SORT1: variants seen among roughly 807,000 people sequenced by gnomAD.
The protein encoded by SORT1 is sortilin 1.
SORT1 carries 39 observed loss-of-function variants against 101.7 expected under a neutral mutation model. That is an observed-to-expected ratio of 0.38 (90% CI 0.30 to 0.50). The LOEUF (loss-of-function observed/expected upper bound fraction) is 0.50, where lower values mean the gene tolerates loss of function less well. SORT1 is among the 20% of genes least tolerant of loss of function. The probability of loss-of-function intolerance (pLI) is 0.90; values close to 1 mark genes in which losing one functional copy is unlikely to be tolerated. For synonymous variants in SORT1, 396 were observed against 393.7 expected, an observed-to-expected ratio of 1.01 and a Z score of -0.07; for missense variants, 878 against 1,040.4, an observed-to-expected ratio of 0.84 and a Z score of 2.15.
chr1:109,366,694 CCCAGGCGCTCGATA>C (rs1395938927), intron 3 of SORT1: 1 of 152,100 alleles, frequency 6.6e-6, no homozygotes, highest in African/African-American at 2.4e-5. Flanking sequence ...ACAGCTTGAG[CCCAGGCGCTCGATA>C]CCAGACTGGG....
Position 109,314,756 on chromosome 1 carries a change from G to T in SORT1, c.2273C>A (p.Pro758Gln). The T allele has an allele frequency of 6.2e-7, 1 of 1,608,356 alleles. No individual in the cohort carries two copies. Among genetic ancestry groups the T allele is most frequent in the South Asian group, 1.1e-5 (1 of 90,920 alleles). The change falls in exon 18 of 20, where the codon CCA (proline) becomes CAA (glutamine). Residue 758 changes from proline to glutamine, a missense_variant. Transcript: ENST00000256637. ...CAATCCCACGATGGCCAGGATAATT[G>T]GAACAGAATTTGACTTGGAATTCTT... ...EKQNSKSNSVPIILAIVGLML... is the reference protein window; with the variant it reads ...EKQNSKSNSVQIILAIVGLML...
intron 5 of SORT1, among the ~76,000 whole-genome samples, chr1:109,353,701 A>T (rs1217211531): frequency 1.3e-5 from 2 of 152,186 alleles, no homozygotes; most frequent in East Asian, 3.9e-4. Context: ...CTGATGAGAG[A>T]AGGCCATAAA....
intron 1 of SORT1, among the ~76,000 whole-genome samples, chr1:109,375,187 T>C (rs1651745099): frequency 6.6e-6 from 1 of 152,206 alleles, no homozygotes; most frequent in Non-Finnish European, 1.5e-5. Flanking sequence ...CTGTTCATTC[T>C]TTTTGAAGTA....
intron 1 of SORT1, chr1:109,393,057 G>T: frequency 2.0e-6 from 2 of 985,420 alleles, no homozygotes. Context: ...CAAAGGTCTG[G>T]CGATTCACAA....
At chr1:109,338,996 G>A (rs1227612133) in intron 10 of SORT1, among the ~76,000 whole-genome samples, 1 of 151,998 alleles carries the variant, frequency 6.6e-6, no homozygotes, top group Non-Finnish European at 1.5e-5. Context: ...TCCTGCCTCA[G>A]TCTCCTGAGT....
rs1658779222 is a variant in SORT1 at position 109,312,411 on chromosome 1, C to T, written c.*1632G>A. The T allele has an allele frequency of 2.0e-5, 3 of 152,490 alleles. No individual in the cohort carries two copies. Among genetic ancestry groups the T allele is most frequent in the Admixed American group, 2.0e-4 (3 of 15,262 alleles). 9.4% of individuals were successfully genotyped at this position (152,490 alleles called of 1,614,324 possible). ...TTTAACATCTCTAAAAGTCTCCATC[C>T]ACTCTCTCCCCCACTTTCCACGCAG... On this transcript the variant is annotated 3_prime_UTR_variant, in exon 20 of 20. Transcript: ENST00000256637.
chr1:109,385,754 A>C (rs2101652924), intron 1 of SORT1, among the ~76,000 whole-genome samples: 1 of 152,366 alleles, frequency 6.6e-6, no homozygotes, highest in Middle Eastern at 3.4e-3. Flanking sequence ...TCTTCCTGGC[A>C]AAATTCTATT....
intron 12 of SORT1, 42 bp downstream of exon 12, chr1:109,327,457 G>T: frequency 8.0e-7 from 1 of 1,251,250 alleles, no homozygotes; most frequent in Non-Finnish European, 1.1e-6. Context: ...AGTGTGCTCA[G>T]CCACTGTTCC....
intron 1 of SORT1, chr1:109,393,146 C>T (rs1435792318): frequency 7.1e-6 from 7 of 985,358 alleles, no homozygotes; most frequent in Admixed American, 1.2e-4. Context: ...GGACTCAACC[C>T]TGCCAGAGCC....
intron 15 of SORT1, among the ~76,000 whole-genome samples, chr1:109,318,261 T>C (rs1647377100): frequency 6.6e-6 from 1 of 151,512 alleles, no homozygotes; most frequent in African/African-American, 2.4e-5. Flanking sequence ...CAAGCGACTC[T>C]CCTGCCTCAG....
chr1:109,355,304 A>G (rs1158742319), intron 4 of SORT1, 63 bp downstream of exon 4: 2 of 828,914 alleles, frequency 2.4e-6, no homozygotes, highest in Non-Finnish European at 4.3e-6. Flanking sequence ...GCCAATACTA[A>G]TATCTGACAG....
chr1:109,380,809 G>A (rs1336148659), intron 1 of SORT1, among the ~76,000 whole-genome samples: 1 of 39,492 alleles, frequency 2.5e-5, no homozygotes, highest in Admixed American at 5.4e-4. Flanking sequence ...AAACCCTGTC[G>A]CCACAAAAAA....
chr1:109,367,546 C>G, intron 2 of SORT1, 65 bp from the exon 3 acceptor site: 1 of 1,030,076 alleles, frequency 9.7e-7, no homozygotes, highest in Non-Finnish European at 1.5e-6. Flanking sequence ...GATATGTGTT[C>G]GAGATTAAGC....
At chr1:109,337,054 C>T (rs1351271259) in intron 10 of SORT1, among the ~76,000 whole-genome samples, 1 of 152,096 alleles carries the variant, frequency 6.6e-6, no homozygotes, top group Non-Finnish European at 1.5e-5. Flanking sequence ...TTTAGGGACT[C>T]TTGAGATTCA....
intron 1 of SORT1, among the ~76,000 whole-genome samples, chr1:109,382,281 G>A (rs187793250): frequency 1.1e-4 from 16 of 152,210 alleles, no homozygotes; most frequent in African/African-American, 3.9e-4. Flanking sequence ...GATTACAGGT[G>A]CATGCCACCA....
chr1:109,361,842 C>T (rs1023620298), intron 3 of SORT1, among the ~76,000 whole-genome samples: 1 of 152,112 alleles, frequency 6.6e-6, no homozygotes, highest in African/African-American at 2.4e-5. Flanking sequence ...TGTGAGTCAC[C>T]CAGTGTACCC....
At chr1:109,351,718 T>C (rs1284546791) in intron 5 of SORT1, among the ~76,000 whole-genome samples, 1 of 152,298 alleles carries the variant, frequency 6.6e-6, no homozygotes, top group East Asian at 1.9e-4. Context: ...GAGGAATGTG[T>C]GCTAAGCAGG....
chr1:109,366,203 A>G (rs1180053748), intron 3 of SORT1, among the ~76,000 whole-genome samples: 1 of 152,098 alleles, frequency 6.6e-6, no homozygotes, highest in East Asian at 1.9e-4. Context: ...TGAGAAGACA[A>G]CTCTAAAACT....
chr1:109,374,987 G>A (rs1045213188), intron 1 of SORT1, among the ~76,000 whole-genome samples: 5 of 152,064 alleles, frequency 3.3e-5, no homozygotes, highest in African/African-American at 9.7e-5. Flanking sequence ...AACAAACACT[G>A]GATAGGCTGA....
Sources: allele counts gnomAD v4.1 joint callset (sites outside exome capture counted in the v4.1 genomes callset), GRCh38; gene constraint gnomAD v4.1.1; transcripts MANE v1.5; gene names NCBI Gene and HGNC (gene_info 2026-07-23, HGNC 2026-07-21).